The following SCARA5 variants were observed in gnomAD, a reference collection of about 807,000 sequenced individuals.
SCARA5 encodes scavenger receptor class A member 5, also known as scavenger receptor class A, member 5 (putative).
SCARA5 carries 45 observed loss-of-function variants against 46.3 expected under a neutral mutation model. The observed-to-expected ratio is 0.97, with a 90% CI of 0.76 to 1.24. The LOEUF (loss-of-function observed/expected upper bound fraction) is 1.24, where lower values mean the gene tolerates loss of function less well. Among genes scored for constraint, SCARA5 ranks in the 50% most tolerant of loss-of-function variants. The pLI, the probability that SCARA5 is intolerant of heterozygous loss-of-function variation, is 0.00. For synonymous variants in SCARA5, 333 were observed against 306.5 expected (o/e 1.09, Z -0.90); for missense variants, 680 against 689.0 (o/e 0.99, Z 0.15).
intron 3 of SCARA5, among the ~76,000 whole-genome samples, chr8:27,938,055 G>C (rs1168866265): frequency 1.3e-5 from 2 of 152,146 alleles, no homozygotes; most frequent in Non-Finnish European, 2.9e-5. Flanking sequence ...GAAAGAAGTT[G>C]GGGTGGGCAG....
intron 2 of SCARA5, among the ~76,000 whole-genome samples, chr8:27,980,428 C>T (rs1173416782): frequency 6.6e-6 from 1 of 152,216 alleles, no homozygotes; most frequent in Non-Finnish European, 1.5e-5. Context: ...CTGTACCAGG[C>T]TAGTGGGACA....
At chr8:27,879,906 A>C in intron 7 of SCARA5, 140 bp from the exon 8 acceptor site, 12 of 754,318 alleles carry the variant, frequency 1.6e-5, no homozygotes, top group Non-Finnish European at 2.4e-5. Flanking sequence ...CAGCCCCCAA[A>C]TCACCCTGTG....
At chr8:27,939,415 T>A (rs1337398942) in intron 3 of SCARA5, among the ~76,000 whole-genome samples, 2 of 152,134 alleles carry the variant, frequency 1.3e-5, no homozygotes. Flanking sequence ...AACCTCCAGG[T>A]CAATGAGTGA....
At chr8:27,915,928 C>T (rs1280739726) in intron 4 of SCARA5, among the ~76,000 whole-genome samples, 1 of 32,940 alleles carries the variant, frequency 3.0e-5, no homozygotes, top group Non-Finnish European at 1.1e-4. Flanking sequence ...TCTGGGCTGC[C>T]TCCCCTCTCT....
chr8:27,988,840 C>G (rs1328668185), intron 1 of SCARA5, among the ~76,000 whole-genome samples: 1 of 152,072 alleles, frequency 6.6e-6, no homozygotes, highest in African/African-American at 2.4e-5. Context: ...AAGATAAAAG[C>G]CCCATGAGGA....
At chr8:27,950,023 A>T (rs1808098595) in intron 3 of SCARA5, among the ~76,000 whole-genome samples, 1 of 152,160 alleles carries the variant, frequency 6.6e-6, no homozygotes, top group South Asian at 2.1e-4. Context: ...GAGGCTCAGT[A>T]ATGTGGCCAG....
At chr8:27,947,981 G>GA (rs1808064861) in intron 3 of SCARA5, among the ~76,000 whole-genome samples, 1 of 151,954 alleles carries the variant, frequency 6.6e-6, no homozygotes. Flanking sequence ...GGGGCTGGGG[G>GA]AATGAGGAGT....
At chr8:27,991,283 G>A (rs570917292) in intron 1 of SCARA5, among the ~76,000 whole-genome samples, 1 of 152,320 alleles carries the variant, frequency 6.6e-6, no homozygotes, top group Non-Finnish European at 1.5e-5. Flanking sequence ...TTATGAACAA[G>A]GTCACTCAGG....
intron 3 of SCARA5, among the ~76,000 whole-genome samples, chr8:27,936,654 C>T (rs909496067): frequency 7.2e-6 from 1 of 138,378 alleles, no homozygotes; most frequent in Non-Finnish European, 1.5e-5. Context: ...TTGGCTGCAA[C>T]CCAGATGCCC....
In SCARA5 at chr8:27,921,786, A is replaced by G; in HGVS notation, c.701T>C (p.Leu234Pro). The change falls in exon 4 of 9, where the codon CTG (leucine) becomes CCG (proline). Residue 234 changes from leucine to proline, a missense_variant. Physicochemically the swap from Leu to Pro is moderately conservative, Grantham distance 98. Transcript: ENST00000354914. ...GCGGTGGAGGGCCACGTCGTAGGACAGGCTGTGGTTGAGGCCGCGCAGCAC... is the reference window on the plus strand; with the variant it reads ...GCGGTGGAGGGCCACGTCGTAGGACGGGCTGTGGTTGAGGCCGCGCAGCAC... ...GGVLRGLNHS[L>P]SYDVALHRTR... 2 of 1,571,602 alleles carry G rather than the reference A, an allele frequency of 1.3e-6. No individual in the cohort carries two copies. The highest frequency in any genetic ancestry group is 1.7e-6 in the Non-Finnish European group (2 of 1,162,998).
chr8:27,905,165 G>A (rs184716861), intron 6 of SCARA5, among the ~76,000 whole-genome samples: 1 of 152,208 alleles, frequency 6.6e-6, no homozygotes, highest in Admixed American at 6.5e-5. Context: ...TTGTTCTAAT[G>A]AGCCCAGGGG....
rs71536304 is a variant in SCARA5 at position 27,941,800 on chromosome 8, C to CATTATTATTATT, written c.242-19567_242-19556dup. On this transcript the variant is annotated intron_variant, in intron 3 of 8. Transcript: ENST00000354914. ...AACATTTAATCCCCATTTACATCAT[C>CATTATTATTATT]ATTATTATTATTATTATTATTATTA... Among the ~76,000 whole-genome samples, 683 of 135,286 alleles carry CATTATTATTATT rather than the reference C, an allele frequency of 5.0e-3. 2 individuals carry two copies. The highest frequency in any genetic ancestry group is 8.5e-3 in the Admixed American group (114 of 13,360). 88.8% of individuals were successfully genotyped at this position (135,286 alleles called of 152,430 possible).
chr8:27,929,844 A>T (rs1807741260), intron 3 of SCARA5, among the ~76,000 whole-genome samples: 1 of 152,304 alleles, frequency 6.6e-6, no homozygotes, highest in South Asian at 2.1e-4. Context: ...TAGAATTGTT[A>T]TGCCCATTTT....
chr8:27,880,392 G>GAAAA (rs34715999), intron 7 of SCARA5, among the ~76,000 whole-genome samples: 12 of 138,672 alleles, frequency 8.7e-5, no homozygotes, highest in Admixed American at 2.1e-4. Flanking sequence ...TTCTGTACAG[G>GAAAA]AAAAAAAAAA....
rs138431987 is a variant in SCARA5 at position 27,970,114 on chromosome 8, C to T, written c.113-3572G>A. Among the ~76,000 whole-genome samples, 1,274 of 152,152 alleles carry T rather than the reference C, an allele frequency of 8.4e-3. 19 individuals carry two copies. The highest frequency in any genetic ancestry group is 0.029 in the African/African-American group (1,184 of 41,482). ...CTGGCTCACCCTTTCTCTCTTGGAA[C>T]CTTTGTTTGAGGGGAAGCCAGCTGC... On this transcript the variant is annotated intron_variant, in intron 2 of 8. Coordinates refer to ENST00000354914, the MANE Select transcript of SCARA5 (RefSeq NM_173833.6).
At chr8:27,969,086 C>T (rs371274930) in intron 2 of SCARA5, among the ~76,000 whole-genome samples, 2 of 152,286 alleles carry the variant, frequency 1.3e-5, no homozygotes, top group African/African-American at 4.8e-5. Flanking sequence ...AATGATCTGG[C>T]AAGGCCCTTA....
At chr8:27,901,132 A>C (rs1363137946) in intron 7 of SCARA5, among the ~76,000 whole-genome samples, 5 of 152,222 alleles carry the variant, frequency 3.3e-5, no homozygotes, top group Non-Finnish European at 5.9e-5. Flanking sequence ...ATGTGGACTC[A>C]GATGGGTCCT....
intron 8 of SCARA5, among the ~76,000 whole-genome samples, chr8:27,877,239 G>A (rs1255177241): frequency 6.6e-6 from 1 of 152,138 alleles, no homozygotes; most frequent in Non-Finnish European, 1.5e-5. Flanking sequence ...GTGACACCTG[G>A]CCTGCAACCA....
At chr8:27,932,154 A>G (rs1807784437) in intron 3 of SCARA5, among the ~76,000 whole-genome samples, 2 of 151,912 alleles carry the variant, frequency 1.3e-5, no homozygotes, top group African/African-American at 4.8e-5. Flanking sequence ...TAAATTTTGC[A>G]TTTTGTGTAG....
Sources: gnomAD v4.1 joint callset for allele counts (sites outside exome capture counted in the v4.1 genomes callset) on GRCh38, gnomAD v4.1.1 for gene constraint, MANE v1.5 for transcripts, NCBI Gene and HGNC (gene_info 2026-07-23, HGNC 2026-07-21) for gene names.